The following STK39 variants were observed in gnomAD, a reference collection of about 807,000 sequenced individuals.
The protein encoded by STK39 is STE20/SPS1-related proline-alanine-rich protein kinase.
Under a neutral mutation model 77.8 loss-of-function variants are expected in STK39, and 20 were observed. The observed-to-expected ratio is 0.26, with a 90% CI of 0.18 to 0.37. The LOEUF (loss-of-function observed/expected upper bound fraction) is 0.37. STK39 is among the 10% of genes least tolerant of loss of function. STK39 has a pLI of 1.00. For synonymous variants in STK39, 246 were observed against 234.1 expected (o/e 1.05, Z -0.47); for missense variants, 479 against 656.5 (o/e 0.73, Z 2.95).
intron 5 of STK39, 46 bp downstream of exon 5, chr2:168,161,741 A>T (rs1688578153): frequency 1.4e-6 from 2 of 1,380,320 alleles, no homozygotes; most frequent in African/African-American, 2.9e-5. Context: ...TGAAACTGTA[A>T]CACTTCCGTA....
intron 10 of STK39, among the ~76,000 whole-genome samples, chr2:168,081,202 C>T (rs1013245527): frequency 1.2e-4 from 19 of 152,020 alleles, no homozygotes; most frequent in African/African-American, 3.1e-4. Flanking sequence ...CTGGAAAAGC[C>T]GCAGACACTC....
At chr2:168,014,916 G>A (rs1043401029) in intron 15 of STK39, among the ~76,000 whole-genome samples, 2 of 152,182 alleles carry the variant, frequency 1.3e-5, no homozygotes, top group Admixed American at 6.5e-5. Context: ...ATTCCCAAAT[G>A]ATTAAAGCAT....
chr2:167,964,045 C>T (rs1009411372), intron 17 of STK39, among the ~76,000 whole-genome samples: 1 of 152,202 alleles, frequency 6.6e-6, no homozygotes, highest in East Asian at 1.9e-4. Flanking sequence ...CTTGGTCTCA[C>T]AGTGACCCCA....
At chr2:168,107,198 G>A (rs1483321090) in intron 10 of STK39, among the ~76,000 whole-genome samples, 1 of 152,128 alleles carries the variant, frequency 6.6e-6, no homozygotes, top group East Asian at 1.9e-4. Context: ...TTTATCCTCA[G>A]GTGTTATTCT....
intron 2 of STK39, among the ~76,000 whole-genome samples, chr2:168,180,003 T>C (rs935078145): frequency 2.2e-5 from 3 of 135,438 alleles, no homozygotes; most frequent in African/African-American, 8.4e-5. Context: ...ATCAATATTC[T>C]GCTAATGGCA....
intron 16 of STK39, among the ~76,000 whole-genome samples, chr2:167,999,587 G>A (rs898462801): frequency 5.3e-5 from 8 of 151,820 alleles, no homozygotes; most frequent in Non-Finnish European, 8.8e-5. Flanking sequence ...TCAGCCTCCC[G>A]AGTAGCTGGA....
chr2:168,172,865 T>C (rs1341957680), intron 2 of STK39, among the ~76,000 whole-genome samples: 1 of 152,246 alleles, frequency 6.6e-6, no homozygotes, highest in Non-Finnish European at 1.5e-5. Flanking sequence ...TCTGAGGAGA[T>C]GCTTCTAACT....
At chr2:168,078,613 C>G (rs16854669) in intron 10 of STK39, among the ~76,000 whole-genome samples, 10,099 of 152,152 alleles carry the variant, frequency 0.066, 663 homozygotes, top group East Asian at 0.19. Flanking sequence ...ACGATAGCAT[C>G]CTAAATGTGT....
At chr2:168,016,951 A>G (rs1264548868) in intron 15 of STK39, 92 bp downstream of exon 15, 3 of 968,824 alleles carry the variant, frequency 3.1e-6, no homozygotes, top group Non-Finnish European at 3.1e-6. Context: ...TAAACAAAGC[A>G]GTTTTAAATA....
chr2:167,993,471 G>C (rs1683754470), intron 16 of STK39, among the ~76,000 whole-genome samples: 1 of 152,184 alleles, frequency 6.6e-6, no homozygotes, highest in South Asian at 2.1e-4. Flanking sequence ...AGGATCGCTT[G>C]AGGCCAGGAG....
intron 14 of STK39, 113 bp from the exon 15 acceptor site, chr2:168,017,208 T>A: frequency 1.8e-6 from 1 of 558,682 alleles, no homozygotes. Context: ...ATTTTACAGT[T>A]TGAGGTTACC....
At chr2:168,084,280 T>C (rs1374953557) in intron 10 of STK39, among the ~76,000 whole-genome samples, 1 of 152,204 alleles carries the variant, frequency 6.6e-6, no homozygotes, top group South Asian at 2.1e-4. Flanking sequence ...GAAATCAGCA[T>C]GTTAATCACT....
Position 168,247,260 on chromosome 2 carries a change from C to A in STK39, c.176G>T (p.Cys59Phe), listed in dbSNP as rs760545362. ...PAAQAVGWPI[C>F]RDAYELQEVI... ...CTCCTGCAGCTCGTACGCGTCCCTG[C>A]AGATGGGCCAGCCGACAGCCTGTGC... Residue 59 changes from cysteine to phenylalanine, a missense_variant, in exon 1 of 18, where the codon TGC becomes TTC. Physicochemically the swap from Cys to Phe is radical, Grantham distance 205 (BLOSUM62 -2). Coordinates refer to ENST00000355999, the MANE Select transcript of STK39 (RefSeq NM_013233.3). 9.8e-6 allele frequency: 11 copies of A among 1,118,670 alleles called. No homozygotes were observed. In the South Asian group the frequency reaches 3.8e-4, roughly 38 times the overall value. The allele number at this position is 1,118,670 out of a possible 1,614,324, so 69.3% of individuals were successfully genotyped here.
In STK39 at chr2:168,081,145, C is replaced by T. The variant is rs114171991; in HGVS notation, c.1090-5914G>A. ...GAGCTATGATAAGAGGGCTGATGTC[C>T]TCCAGACCCCAGAATGGTAGATCCA... On this transcript the variant is annotated intron_variant, in intron 10 of 17. Transcript: ENST00000355999. Among the ~76,000 whole-genome samples the T allele has an allele frequency of 5.1e-3, 771 of 152,234 alleles. 5 individuals carry two copies. The highest frequency in any genetic ancestry group is 0.018 in the African/African-American group (730 of 41,536).
chr2:168,186,499 C>A (rs1378717525), intron 1 of STK39, among the ~76,000 whole-genome samples: 1 of 152,186 alleles, frequency 6.6e-6, no homozygotes, highest in Admixed American at 6.5e-5. Context: ...AACTGAAAGG[C>A]CTCTGGTAGC....
chr2:168,081,478 T>G (rs957548358), intron 10 of STK39, among the ~76,000 whole-genome samples: 12 of 152,148 alleles, frequency 7.9e-5, no homozygotes, highest in African/African-American at 2.9e-4. Flanking sequence ...CCCCACTGTA[T>G]CTAGGAAGTA....
At chr2:168,030,976 C>T (rs887561107) in intron 14 of STK39, among the ~76,000 whole-genome samples, 2 of 152,180 alleles carry the variant, frequency 1.3e-5, no homozygotes, top group African/African-American at 4.8e-5. Flanking sequence ...ACTTTTCATG[C>T]AGAATGTCTA....
chr2:168,147,777 T>C (rs1417575331), intron 5 of STK39, among the ~76,000 whole-genome samples: 4 of 152,140 alleles, frequency 2.6e-5, no homozygotes, highest in Admixed American at 1.3e-4. Context: ...GGGCCCAGTA[T>C]ACTACACTCA....
intron 13 of STK39, among the ~76,000 whole-genome samples, chr2:168,064,870 T>C (rs945050831): frequency 2.0e-5 from 3 of 152,204 alleles, no homozygotes; most frequent in African/African-American, 7.2e-5. Context: ...TTAATAAATA[T>C]GCATTATAAA....
Sources: gnomAD v4.1 joint callset for allele counts (sites outside exome capture counted in the v4.1 genomes callset) on GRCh38, gnomAD v4.1.1 for gene constraint, MANE v1.5 for transcripts, NCBI Gene and HGNC (gene_info 2026-07-23, HGNC 2026-07-21) for gene names.